SLC7A6OS: variants seen among roughly 807,000 people sequenced by gnomAD.
SLC7A6OS encodes probable RNA polymerase II nuclear localization protein SLC7A6OS.
Under a neutral mutation model 34.3 loss-of-function variants are expected in SLC7A6OS, and 22 were observed. The observed-to-expected ratio is 0.64, with a 90% CI of 0.46 to 0.92. The LOEUF (loss-of-function observed/expected upper bound fraction) is 0.92. SLC7A6OS is among the 40% of genes least tolerant of loss of function. The pLI is 0.00. For synonymous variants in SLC7A6OS, 199 were observed against 165.0 expected, an observed-to-expected ratio of 1.21 and a Z score of -1.58; for missense variants, 434 against 407.7, an observed-to-expected ratio of 1.06 and a Z score of -0.56.
chr16:68,304,367 C>A (rs1036020791), intron 2 of SLC7A6OS, 135 bp from the exon 3 acceptor site: 1 of 753,860 alleles, frequency 1.3e-6, no homozygotes, highest in African/African-American at 1.7e-5. Flanking sequence ...GTCGCCCAGG[C>A]TGGAGTGCAG....
chr16:68,304,330 GT>G (rs796785802), intron 2 of SLC7A6OS, 98 bp from the exon 3 acceptor site: 29 of 1,114,398 alleles, frequency 2.6e-5, no homozygotes, highest in Non-Finnish European at 2.9e-5. Context: ...GCTCCCTACA[GT>G]TTTTTTTGAG....
chr16:68,300,390 A>G lies in SLC7A6OS; in HGVS notation c.*885T>C, dbSNP rs1230833639. On this transcript the variant is annotated 3_prime_UTR_variant, in exon 5 of 5. Coordinates refer to ENST00000263997, the MANE Select transcript of SLC7A6OS (RefSeq NM_032178.3). The stretch of plus-strand genomic sequence containing the variant: ...TACGGACAGAGTCTGCTTAGAAGAG[A>G]TACAAGTTGTTAATAAAATTGATCC... The G allele has an allele frequency of 6.5e-6, 1 of 154,416 alleles. No homozygotes were observed. Among genetic ancestry groups the G allele is most frequent in the Non-Finnish European group, 1.4e-5 (1 of 70,070 alleles). The allele number at this position is 154,416 out of a possible 1,614,324, so 9.6% of individuals were successfully genotyped here.
rs1458469833 is a variant in SLC7A6OS, at chr16:68,300,418, T to TTGA, written c.*854_*856dup. On this transcript the variant is annotated 3_prime_UTR_variant, in exon 5 of 5. Coordinates refer to ENST00000263997, the MANE Select transcript of SLC7A6OS (RefSeq NM_032178.3). ...CAAGTTGTTAATAAAATTGATCCTG[T>TTGA]TGATAGTAGTTTGTTTTTGTGGTGG... is the stretch of plus-strand genomic sequence containing the variant. The TTGA allele has an allele frequency of 6.3e-6, 1 of 159,154 alleles. No homozygotes were observed. The highest frequency in any genetic ancestry group is 2.4e-5 in the African/African-American group (1 of 41,550). The allele number at this position is 159,154 out of a possible 1,614,324, so 9.9% of individuals were successfully genotyped here. A position where few individuals can be genotyped will look rare whatever the true frequency, so the allele number is the denominator to read the frequency against.
At chr16:68,305,031 A>G (rs2043316945) in intron 2 of SLC7A6OS, among the ~76,000 whole-genome samples, 1 of 152,188 alleles carries the variant, frequency 6.6e-6, no homozygotes, top group Admixed American at 6.5e-5. Flanking sequence ...AAACAATGAA[A>G]GAAAAAAAAT....
rs1235585179 is a variant in SLC7A6OS at position 68,300,217 on chromosome 16, C to T, written c.*1058G>A. On this transcript the variant is annotated 3_prime_UTR_variant, in exon 5 of 5. Transcript: ENST00000263997. ...CTCAGTTTCTCAGTTGCGCTAATCACATTTCAAGTGCTCAGCAGCCACCCG... is the reference window on the plus strand; with the variant it reads ...CTCAGTTTCTCAGTTGCGCTAATCATATTTCAAGTGCTCAGCAGCCACCCG... The T allele has an allele frequency of 6.6e-6, 1 of 152,238 alleles. No individual in the cohort carries two copies. Among genetic ancestry groups the T allele is most frequent in the Non-Finnish European group, 1.5e-5 (1 of 68,046 alleles). 9.4% of individuals were successfully genotyped at this position (152,238 alleles called of 1,614,324 possible).
Position 68,310,564 on chromosome 16 carries a change from T to C in SLC7A6OS, c.242A>G (p.Asp81Gly), listed in dbSNP as rs2043472327. 2 of 1,584,402 alleles carry C rather than the reference T, an allele frequency of 1.3e-6. No individual in the cohort carries two copies. Among genetic ancestry groups the C allele is most frequent in the South Asian group, 2.3e-5 (2 of 88,718 alleles). Residue 81 changes from aspartate (D) to glycine (G), a missense_variant, in exon 2 of 5, where the codon GAC becomes GGC. Asp to Gly is a moderately conservative substitution (Grantham distance 94, BLOSUM62 -1). Transcript: ENST00000263997. ...LLREVLRPSR[D>G]SQQRVRRNLR... ...ATTACGGCGGACACGCTGCTGGCTG[T>C]CCCGTGACGGGCGCAGAACTTCCCG... is the stretch of plus-strand genomic sequence containing the variant.
chr16:68,301,716 C>T, intron 4 of SLC7A6OS: 1 of 193,490 alleles, frequency 5.2e-6, no homozygotes, highest in South Asian at 1.6e-4. Context: ...TATTTTTGTA[C>T]CTTTCTCCTT....
chr16:68,304,580 C>G (rs574897857), intron 2 of SLC7A6OS, among the ~76,000 whole-genome samples: 4 of 152,116 alleles, frequency 2.6e-5, no homozygotes, highest in Admixed American at 1.3e-4. Flanking sequence ...CCCCAGCCTC[C>G]CAAAGTGCTG....
chr16:68,309,348 G>A (rs1482989361), intron 2 of SLC7A6OS, among the ~76,000 whole-genome samples: 1 of 152,026 alleles, frequency 6.6e-6, no homozygotes, highest in East Asian at 1.9e-4. Flanking sequence ...CTCCCAAAGC[G>A]CTGGGATTAC....
intron 3 of SLC7A6OS, 35 bp downstream of exon 3, chr16:68,303,991 T>A: frequency 6.4e-7 from 1 of 1,572,914 alleles, no homozygotes; most frequent in Non-Finnish European, 8.7e-7. Flanking sequence ...GAGCTTAGGA[T>A]GCCTCATGCC....
At position 68,310,575 on chromosome 16, in the gene SLC7A6OS, G is replaced by A. The variant is rs1314551136; in HGVS notation, c.231C>T (p.Arg77=). ...PVQPLLREVL[R]PSRDSQQRVR... is the part of the protein sequence containing the mutation. ...CACGCTGCTGGCTGTCCCGTGACGG[G>A]CGCAGAACTTCCCGCAGGAGAGGCT... The change falls in exon 2 of 5, where the codon CGC becomes CGT. Residue 77 remains arginine, a synonymous_variant. Coordinates refer to ENST00000263997, the MANE Select transcript of SLC7A6OS (RefSeq NM_032178.3). 1.9e-6 allele frequency: 3 copies of A among 1,588,604 alleles called. No individual in the cohort carries two copies. The highest frequency in any genetic ancestry group is 2.6e-6 in the Non-Finnish European group (3 of 1,169,054).
rs2043309048 is a variant in SLC7A6OS, at chr16:68,304,156, G to C, written c.548C>G (p.Pro183Arg). 1 of 1,614,100 alleles carries C rather than the reference G, an allele frequency of 6.2e-7. No homozygotes were observed. The change falls in exon 3 of 5, where the codon CCA (proline) becomes CGA (arginine). Residue 183 changes from proline (P) to arginine (R), a missense_variant. Transcript: ENST00000263997. ...RERLTVSEDG[P>R]GVRRQEEQKH... ...TTGTTCTTCCTGGCGCCTGACTCCT[G>C]GTCCATCCTCAGACACAGTCAATCG...
At chr16:68,301,508 T>TTGA (rs2043275616) in intron 4 of SLC7A6OS, 103 bp from the exon 5 acceptor site, 1 of 896,626 alleles carries the variant, frequency 1.1e-6, no homozygotes, top group Non-Finnish European at 1.7e-6. Context: ...CCGATTGTAA[T>TTGA]GCAAAATCCT....
At chr16:68,305,040 A>C (rs1311947080) in intron 2 of SLC7A6OS, among the ~76,000 whole-genome samples, 1 of 152,184 alleles carries the variant, frequency 6.6e-6, no homozygotes, top group Non-Finnish European at 1.5e-5. Context: ...AAGAAAAAAA[A>C]TATGGGAAGA....
At chr16:68,302,872 AATCTGTCCT>A (rs1263094814) in intron 3 of SLC7A6OS, among the ~76,000 whole-genome samples, 1 of 152,238 alleles carries the variant, frequency 6.6e-6, no homozygotes, top group East Asian at 1.9e-4. Context: ...CCTGACTGCA[AATCTGTCCT>A]AATGCAGGTG....
intron 2 of SLC7A6OS, among the ~76,000 whole-genome samples, chr16:68,306,465 C>T (rs757376399): frequency 3.3e-5 from 5 of 152,144 alleles, no homozygotes; most frequent in Admixed American, 2.0e-4. Context: ...GATCCACCCA[C>T]CTTGGCCTCC....
chr16:68,301,466 CCTTCT>C, intron 4 of SLC7A6OS, 61 bp from the exon 5 acceptor site: 1 of 1,480,966 alleles, frequency 6.8e-7, no homozygotes, highest in Non-Finnish European at 9.3e-7. Context: ...TGCAGGAGCC[CCTTCT>C]CTTCTCAGAA....
chr16:68,300,935 C>T lies in SLC7A6OS; in HGVS notation c.*340G>A. Reference sequence around the variant, plus strand: ...TTACTGCTAATGAAATGGGAACCTCCCCCTCCCTTGTGGTTTCAGCACAGA... The same window carrying T: ...TTACTGCTAATGAAATGGGAACCTCTCCCTCCCTTGTGGTTTCAGCACAGA... On this transcript the variant is annotated 3_prime_UTR_variant, in exon 5 of 5. Transcript: ENST00000263997. 2.0e-6 allele frequency: 2 copies of T among 1,006,666 alleles called. No homozygotes were observed. Among genetic ancestry groups the T allele is most frequent in the Non-Finnish European group, 2.4e-6 (2 of 844,054 alleles). The allele number at this position is 1,006,666 out of a possible 1,614,324, so 62.4% of individuals were successfully genotyped here.
Position 68,301,134 on chromosome 16 carries a change from T to C in SLC7A6OS, c.*141A>G. ...AACATAAGTTTTCACTGTGGTGGGA[T>C]GGTGCCGCCCGATATGCTTGATATG... is the stretch of plus-strand genomic sequence containing the variant. On this transcript the variant is annotated 3_prime_UTR_variant, in exon 5 of 5. Transcript: ENST00000263997. The C allele has an allele frequency of 1.4e-6, 2 of 1,424,898 alleles. No individual in the cohort carries two copies. Among genetic ancestry groups the C allele is most frequent in the East Asian group, 2.5e-5 (1 of 39,888 alleles). 88.3% of individuals were successfully genotyped at this position (1,424,898 alleles called of 1,614,324 possible). A position where few individuals can be genotyped will look rare whatever the true frequency, so the allele number is the denominator to read the frequency against.
Sources: gnomAD v4.1 joint callset for allele counts (sites outside exome capture counted in the v4.1 genomes callset) on GRCh38, gnomAD v4.1.1 for gene constraint, MANE v1.5 for transcripts, NCBI Gene and HGNC (gene_info 2026-07-23, HGNC 2026-07-21) for gene names.